ARL2: variants seen among roughly 807,000 people sequenced by gnomAD.
ARL2 encodes the protein ARF like GTPase 2.
ARL2 carries 11 observed loss-of-function variants against 22.0 expected under a neutral mutation model. The observed-to-expected ratio is 0.50, with a 90% CI of 0.31 to 0.83. The LOEUF (loss-of-function observed/expected upper bound fraction) is 0.83. Among genes scored for constraint, ARL2 ranks in the 40% least tolerant of loss-of-function variants. ARL2 has a pLI of 0.04. For synonymous variants in ARL2, 111 were observed against 100.8 expected (o/e 1.10, Z -0.61); for missense variants, 216 against 243.2 (o/e 0.89, Z 0.74).
At chr11:65,020,662 A>G (rs1946316933) in intron 4 of ARL2, 163 bp downstream of exon 4, 1 of 644,220 alleles carries the variant, frequency 1.6e-6, no homozygotes. Context: ...TGAGGTCAGG[A>G]GTTCGAGACC....
At chr11:65,020,583 A>C (rs1282174653) in intron 4 of ARL2, 84 bp downstream of exon 4, 2 of 1,398,100 alleles carry the variant, frequency 1.4e-6, no homozygotes, top group African/African-American at 2.9e-5. Flanking sequence ...AAAATAACCA[A>C]AAAGGCTGGG....
chr11:65,015,648 C>T (rs952936770), intron 1 of ARL2, among the ~76,000 whole-genome samples: 1 of 151,974 alleles, frequency 6.6e-6, no homozygotes, highest in African/African-American at 2.4e-5. Flanking sequence ...AGGCTGGGTG[C>T]GGTGGCACAC....
intron 4 of ARL2, 154 bp from the exon 5 acceptor site, chr11:65,021,565 ACT>A (rs1454926384): frequency 6.3e-6 from 6 of 948,702 alleles, no homozygotes; most frequent in Admixed American, 2.9e-5. Context: ...GGTCTGACAA[ACT>A]CTCCCTGGGA....
In ARL2 at chr11:65,014,165, G is replaced by A; in HGVS notation, c.-43G>A. On this transcript the variant is annotated 5_prime_UTR_variant, in exon 1 of 5. Coordinates refer to ENST00000246747, the MANE Select transcript of ARL2 (RefSeq NM_001667.4). ...CAACAGGAACCGGGAGCGGGGTCCCGGGACTGGGAAGAAACGGCGGCCGGG... is the reference window on the plus strand; with the variant it reads ...CAACAGGAACCGGGAGCGGGGTCCCAGGACTGGGAAGAAACGGCGGCCGGG... 1 of 1,486,174 alleles carries A rather than the reference G, an allele frequency of 6.7e-7. No individual in the cohort carries two copies. Among genetic ancestry groups the A allele is most frequent in the Middle Eastern group, 1.7e-4 (1 of 5,760 alleles). 92.1% of individuals were successfully genotyped at this position (1,486,174 alleles called of 1,614,324 possible).
chr11:65,014,857 C>T (rs901616485), intron 1 of ARL2, among the ~76,000 whole-genome samples: 1 of 152,254 alleles, frequency 6.6e-6, no homozygotes, highest in African/African-American at 2.4e-5. Flanking sequence ...CGCACCTGTT[C>T]CCCCAGCTCT....
At chr11:65,017,197 C>G (rs1565181481) in intron 1 of ARL2, among the ~76,000 whole-genome samples, 1 of 142,770 alleles carries the variant, frequency 7.0e-6, no homozygotes, top group Non-Finnish European at 1.5e-5. Context: ...TTTGTTTGCT[C>G]TTTTTTTTTT....
intron 4 of ARL2, among the ~76,000 whole-genome samples, chr11:65,021,259 T>C (rs1012469040): frequency 6.6e-6 from 1 of 152,206 alleles, no homozygotes; most frequent in African/African-American, 2.4e-5. Context: ...ACCATGATTC[T>C]AGTGCTCAAG....
intron 1 of ARL2, among the ~76,000 whole-genome samples, chr11:65,016,459 A>G (rs1412815821): frequency 6.6e-6 from 1 of 151,632 alleles, no homozygotes; most frequent in Non-Finnish European, 1.5e-5. Flanking sequence ...TGCAGTGGAG[A>G]GAAGGAATCG....
chr11:65,019,219 G>A lies in ARL2; in HGVS notation c.339+486G>A, dbSNP rs567738286. The A allele has an allele frequency of 1.9e-4, 43 of 222,298 alleles. No homozygotes were observed. The Middle Eastern group carries it at 5.7e-3, about 30-fold the overall frequency. 13.8% of individuals were successfully genotyped at this position (222,298 alleles called of 1,614,324 possible). The stretch of plus-strand genomic sequence containing the variant: ...GCCACTGCACTCCAGCCTCCTGGGC[G>A]ACAGAGCAAGACCCTGTCTCAAAAA... On this transcript the variant is annotated intron_variant, in intron 3 of 4. Transcript: ENST00000246747.
intron 4 of ARL2, among the ~76,000 whole-genome samples, chr11:65,020,798 C>T (rs148204600): frequency 0.029 from 4,296 of 147,648 alleles, 91 homozygotes; most frequent in Middle Eastern, 0.062. Context: ...GAACCCAGGA[C>T]GTGGAGGTTG....
At chr11:65,014,809 C>CGTGCGCCCT (rs1946230468) in intron 1 of ARL2, among the ~76,000 whole-genome samples, 1 of 152,248 alleles carries the variant, frequency 6.6e-6, no homozygotes, top group African/African-American at 2.4e-5. Flanking sequence ...CCGAGTGTCC[C>CGTGCGCCCT]GTGCGCCCTG....
chr11:65,016,270 G>GGT (rs1554977096), intron 1 of ARL2, among the ~76,000 whole-genome samples: 2 of 123,290 alleles, frequency 1.6e-5, no homozygotes, highest in African/African-American at 8.3e-5. Context: ...TAGCAATTCG[G>GGT]GGGGGGGGGA....
chr11:65,018,368 C>T lies in ARL2; in HGVS notation c.70C>T (p.Leu24=). 6.2e-7 allele frequency: 1 copy of T among 1,601,234 alleles called. No individual in the cohort carries two copies. Among genetic ancestry groups the T allele is most frequent in the Non-Finnish European group, 8.5e-7 (1 of 1,174,702 alleles). Residue 24 remains leucine, a synonymous_variant, in exon 2 of 5, where the codon CTG becomes TTG. Transcript: ENST00000246747. This position sits in a 1 kb window ranked among gnomAD's most constrained non-coding sequence, Gnocchi z 4.2. ...CCTTAACCTGCTGCGCCCCAGTGGC[C>T]TGGACAATGCTGGAAAGACAACCAT... ...ERELRLLMLG[L]DNAGKTTILK... is the part of the protein sequence containing the mutation.
chr11:65,020,366 G>A, intron 3 of ARL2, 53 bp from the exon 4 acceptor site: 2 of 1,456,162 alleles, frequency 1.4e-6, no homozygotes, highest in Non-Finnish European at 1.9e-6. Flanking sequence ...TTAGAGGAGG[G>A]GTCAGGCTGT....
chr11:65,021,787 G>A lies in ARL2; in HGVS notation c.487G>A (p.Glu163Lys), dbSNP rs75332988. ...CIQGCSAVTG[E>K]NLLPGIDWLL... ...CCAGGGCTGCAGCGCCGTCACCGGG[G>A]AGAACCTGCTGCCGGGCATCGACTG... The change falls in exon 5 of 5, where the codon GAG (glutamate) becomes AAG (lysine). Residue 163 changes from glutamate to lysine, a missense_variant. Physicochemically the swap from Glu to Lys is moderately conservative, Grantham distance 56. Transcript: ENST00000246747. 1.2e-6 allele frequency: 2 copies of A among 1,613,292 alleles called. No homozygotes were observed. The highest frequency in any genetic ancestry group is 1.3e-5 in the African/African-American group (1 of 75,040).
At chr11:65,019,219 G>C in intron 3 of ARL2, 1 of 222,300 alleles carries the variant, frequency 4.5e-6, no homozygotes, top group Non-Finnish European at 9.1e-6. Context: ...CCTCCTGGGC[G>C]ACAGAGCAAG....
chr11:65,018,808 T>G lies in ARL2; in HGVS notation c.339+75T>G. On this transcript the variant is annotated intron_variant, in intron 3 of 4. Coordinates refer to ENST00000246747, the MANE Select transcript of ARL2 (RefSeq NM_001667.4). This position sits in a 1 kb window ranked among gnomAD's most constrained non-coding sequence, Gnocchi z 4.2. The stretch of plus-strand genomic sequence containing the variant: ...CTCAGCAGATGCCCAGAGGGGCCCG[T>G]GGCCCCAGAGGGAAACCAGAGGCAG... The G allele has an allele frequency of 6.3e-7, 1 of 1,587,794 alleles. No homozygotes were observed. Among genetic ancestry groups the G allele is most frequent in the South Asian group, 1.1e-5 (1 of 88,570 alleles).
At chr11:65,014,866 C>G (rs1946231242) in intron 1 of ARL2, among the ~76,000 whole-genome samples, 1 of 152,276 alleles carries the variant, frequency 6.6e-6, no homozygotes, top group Non-Finnish European at 1.5e-5. Flanking sequence ...TCCCCCAGCT[C>G]TGTGCCAGGC....
intron 1 of ARL2, among the ~76,000 whole-genome samples, chr11:65,014,775 G>A (rs1946229968): frequency 6.6e-6 from 1 of 152,214 alleles, no homozygotes; most frequent in Non-Finnish European, 1.5e-5. Flanking sequence ...TTGTCCCTGC[G>A]GCTGAGGATG....
Sources: allele counts gnomAD v4.1 joint callset (sites outside exome capture counted in the v4.1 genomes callset), GRCh38; gene constraint gnomAD v4.1.1; non-coding constraint Gnocchi (gnomAD v3.1); transcripts MANE v1.5; gene names NCBI Gene and HGNC (gene_info 2026-07-23, HGNC 2026-07-21).